Variants in TTC27 observed in about 807,000 individuals in gnomAD.
The protein encoded by TTC27 is tetratricopeptide repeat protein 27.
TTC27 carries 79 observed loss-of-function variants against 115.9 expected under a neutral mutation model. The ratio of observed to expected loss-of-function variants is 0.68; its 90% CI spans 0.57 to 0.82. The LOEUF is 0.82. Ranked by LOEUF, TTC27 falls within the 40% of genes least tolerant of loss-of-function variation. The pLI is 0.00. For synonymous variants in TTC27, 401 were observed against 356.0 expected (o/e 1.13, Z -1.42); for missense variants, 1,054 against 993.1 (o/e 1.06, Z -0.82).
chr2:32,728,228 A>C (rs193018420), intron 10 of TTC27, among the ~76,000 whole-genome samples: 2 of 151,742 alleles, frequency 1.3e-5, no homozygotes, highest in East Asian at 3.9e-4. Flanking sequence ...TTTTTAGTAG[A>C]GACAGGGCTT....
At chr2:32,661,341 T>C (rs1158709986) in intron 5 of TTC27, among the ~76,000 whole-genome samples, 1 of 152,210 alleles carries the variant, frequency 6.6e-6, no homozygotes, top group African/African-American at 2.4e-5. Context: ...TAGCATTGAA[T>C]CTATAAATTA....
At chr2:32,660,068 C>G (rs1222625188) in intron 5 of TTC27, among the ~76,000 whole-genome samples, 1 of 152,128 alleles carries the variant, frequency 6.6e-6, no homozygotes, top group African/African-American at 2.4e-5. Context: ...AATTCTGGTT[C>G]TAGATCCTTG....
chr2:32,632,808 T>C (rs759291240), intron 2 of TTC27, among the ~76,000 whole-genome samples: 15 of 152,324 alleles, frequency 9.8e-5, no homozygotes, highest in Non-Finnish European at 1.3e-4. Context: ...TAGAGTTGGA[T>C]CTGTACCTAT....
At chr2:32,817,036 G>A (rs1458758874) in intron 18 of TTC27, among the ~76,000 whole-genome samples, 1 of 152,044 alleles carries the variant, frequency 6.6e-6, no homozygotes, top group African/African-American at 2.4e-5. Flanking sequence ...CCAGTGATCC[G>A]TAACTCACCA....
chr2:32,787,119 G>A lies in TTC27; in HGVS notation c.1968G>A (p.Leu656=). The change falls in exon 16 of 20, where the codon TTG becomes TTA. Residue 656 remains leucine, a synonymous_variant. Transcript: ENST00000317907. The stretch of plus-strand genomic sequence containing the variant: ...CCATTAAAGCTTATCACCGGCTCTT[G>A]GACTTACGTGACAAATACAAAGATG... ...SEAIKAYHRL[L]DLRDKYKDVQ... 1 of 1,612,956 alleles carries A rather than the reference G, an allele frequency of 6.2e-7. No individual in the cohort carries two copies. The highest frequency in any genetic ancestry group is 8.5e-7 in the Non-Finnish European group (1 of 1,179,738).
intron 10 of TTC27, among the ~76,000 whole-genome samples, chr2:32,726,161 A>G (rs750100725): frequency 7.2e-5 from 11 of 152,144 alleles, no homozygotes; most frequent in Non-Finnish European, 1.5e-4. Flanking sequence ...CGCCCTGGAG[A>G]CATTTTCCCC....
At chr2:32,629,731 G>A (rs1572453576) in intron 1 of TTC27, among the ~76,000 whole-genome samples, 1 of 152,164 alleles carries the variant, frequency 6.6e-6, no homozygotes, top group African/African-American at 2.4e-5. Flanking sequence ...GAGCCACCGC[G>A]CCCAGCCTAG....
chr2:32,640,576 C>T (rs1441462643), intron 4 of TTC27, among the ~76,000 whole-genome samples, 166 bp downstream of exon 4: 1 of 152,206 alleles, frequency 6.6e-6, no homozygotes, highest in African/African-American at 2.4e-5. Flanking sequence ...TTTCTTCCCT[C>T]ATGAGATTGA....
intron 13 of TTC27, among the ~76,000 whole-genome samples, chr2:32,777,215 A>C (rs1254279182): frequency 1.3e-5 from 2 of 152,230 alleles, no homozygotes; most frequent in Non-Finnish European, 2.9e-5. Flanking sequence ...TTGAAGATGA[A>C]AACAGAAATT....
In TTC27 at chr2:32,812,505, C is replaced by T. The variant is rs766970433; in HGVS notation, c.2198C>T (p.Ala733Val). 1.9e-6 allele frequency: 3 copies of T among 1,606,270 alleles called. No homozygotes were observed. The highest frequency in any genetic ancestry group is 3.3e-4 in the Middle Eastern group (2 of 6,068). The change falls in exon 18 of 20, where the codon GCA (alanine) becomes GTA (valine). Residue 733 changes from alanine to valine, a missense_variant and splice_region_variant. By Grantham distance (64) the Ala-to-Val change is moderately conservative. Coordinates refer to ENST00000317907, the MANE Select transcript of TTC27 (RefSeq NM_017735.5). ...ATGTTGTTCTTTCTCCTTCCTCAGG[C>T]ATTCCAGTGCCTCTCAAAGGCATAC... ...QSEKPDENEKAFQCLSKAYKC... is the reference protein window; with the variant it reads ...QSEKPDENEKVFQCLSKAYKC...
intron 9 of TTC27, among the ~76,000 whole-genome samples, chr2:32,687,054 A>G (rs1666656498): frequency 6.6e-6 from 1 of 152,060 alleles, no homozygotes; most frequent in African/African-American, 2.4e-5. Flanking sequence ...TGTGTTGGCC[A>G]GGCTAGTTTC....
intron 4 of TTC27, among the ~76,000 whole-genome samples, chr2:32,647,763 A>G (rs1221765363): frequency 6.6e-6 from 1 of 152,150 alleles, no homozygotes; most frequent in African/African-American, 2.4e-5. Context: ...GCTTGAGTCC[A>G]GGAGTTCAAA....
chr2:32,700,916 A>G (rs1667163014), intron 9 of TTC27, among the ~76,000 whole-genome samples: 1 of 152,096 alleles, frequency 6.6e-6, no homozygotes, highest in African/African-American at 2.4e-5. Context: ...AGTTTTTTTA[A>G]TGTCTTCTCT....
chr2:32,680,270 G>A (rs998180553), intron 9 of TTC27, among the ~76,000 whole-genome samples: 18 of 151,824 alleles, frequency 1.2e-4, no homozygotes, highest in Non-Finnish European at 1.3e-4. Flanking sequence ...AATTTTAAAG[G>A]GCATATAAAA....
At chr2:32,674,804 C>T (rs1283165879) in intron 8 of TTC27, among the ~76,000 whole-genome samples, 5 of 152,012 alleles carry the variant, frequency 3.3e-5, no homozygotes, top group South Asian at 2.1e-4. Flanking sequence ...GGACTACAGG[C>T]GCCCACCACC....
intron 10 of TTC27, among the ~76,000 whole-genome samples, chr2:32,707,613 A>T (rs1418347344): frequency 6.6e-6 from 1 of 152,220 alleles, no homozygotes; most frequent in Non-Finnish European, 1.5e-5. Context: ...CAAAGTTTAA[A>T]AAAAAACTAA....
At chr2:32,752,496 C>T (rs3769575) in intron 12 of TTC27, among the ~76,000 whole-genome samples, 25,451 of 152,114 alleles carry the variant, frequency 0.17, 2,615 homozygotes, top group South Asian at 0.36. Flanking sequence ...GTTAGCACTG[C>T]GAATCAAAAA....
At chr2:32,704,183 A>AT (rs982098569) in intron 10 of TTC27, among the ~76,000 whole-genome samples, 149 of 148,770 alleles carry the variant, frequency 1.0e-3, no homozygotes, top group South Asian at 1.7e-3. Context: ...AATGAAAGTG[A>AT]TTTTTTTTTT....
chr2:32,690,775 G>C (rs1666783100), intron 9 of TTC27, among the ~76,000 whole-genome samples: 1 of 152,216 alleles, frequency 6.6e-6, no homozygotes, highest in Non-Finnish European at 1.5e-5. Flanking sequence ...ATTATTTATA[G>C]ATTAAACTTG....
Sources: gnomAD v4.1 joint callset for allele counts (sites outside exome capture counted in the v4.1 genomes callset) on GRCh38, gnomAD v4.1.1 for gene constraint, MANE v1.5 for transcripts, NCBI Gene and HGNC (gene_info 2026-07-23, HGNC 2026-07-21) for gene names.